Variants in RYR2 observed in about 807,000 individuals in gnomAD.
The protein encoded by RYR2 is cardiac muscle ryanodine receptor-calcium release channel.
Under a neutral mutation model 601.1 loss-of-function variants are expected in RYR2, and 227 were observed. The ratio of observed to expected loss-of-function variants is 0.38; its 90% CI spans 0.34 to 0.42. The LOEUF (loss-of-function observed/expected upper bound fraction) is 0.42, where lower values mean the gene tolerates loss of function less well. Ranked by LOEUF, RYR2 falls within the 10% of genes least tolerant of loss-of-function variation. The probability of loss-of-function intolerance (pLI) is 1.00; values close to 1 mark genes in which losing one functional copy is unlikely to be tolerated. For synonymous variants in RYR2, 2,223 were observed against 2,175.1 expected (o/e 1.02, Z -0.61); for missense variants, 4,646 against 6,156.5 (o/e 0.75, Z 8.21).
In RYR2 at chr1:237,061,705, CT is replaced by C. The variant is rs930701648; in HGVS notation, c.48+19140del. On this transcript the variant is annotated intron_variant, in intron 1 of 104. Transcript: ENST00000366574. ...GCAAATATCTTTTCCAACACTCTTG[CT>C]TTTCCCCCCTCTGTTACTGATGTTG... Among the ~76,000 whole-genome samples the C allele has an allele frequency of 7.9e-5, 12 of 152,252 alleles. No individual in the cohort carries two copies. The East Asian group carries it at 1.7e-3, about 22-fold the overall frequency.
At chr1:237,623,063 A>C (rs894056812) in intron 38 of RYR2, among the ~76,000 whole-genome samples, 3 of 152,208 alleles carry the variant, frequency 2.0e-5, no homozygotes, top group African/African-American at 7.2e-5. Flanking sequence ...TGTTCAATAG[A>C]GATGTTAGCT....
chr1:237,155,083 A>G, intron 1 of RYR2, among the ~76,000 whole-genome samples: 1 of 152,058 alleles, frequency 6.6e-6, no homozygotes, highest in East Asian at 1.9e-4. Context: ...TGTTTGCTCA[A>G]ATTAAGCTCC....
At chr1:237,175,109 C>A (rs1677872661) in intron 1 of RYR2, among the ~76,000 whole-genome samples, 1 of 152,264 alleles carries the variant, frequency 6.6e-6, no homozygotes, top group South Asian at 2.1e-4. Flanking sequence ...TTTTATAATA[C>A]AATCTGAAGG....
chr1:237,108,996 A>G (rs1314542217), intron 1 of RYR2, among the ~76,000 whole-genome samples: 2 of 152,166 alleles, frequency 1.3e-5, no homozygotes, highest in African/African-American at 4.8e-5. Flanking sequence ...AATGGGTTTA[A>G]TTTTGAAGTC....
chr1:237,556,150 C>A (rs1451797810), intron 27 of RYR2, among the ~76,000 whole-genome samples: 1 of 151,964 alleles, frequency 6.6e-6, no homozygotes, highest in Non-Finnish European at 1.5e-5. Flanking sequence ...ATATTGCTAC[C>A]TTATGGGTAC....
At chr1:237,325,498 C>T (rs1413677269) in intron 2 of RYR2, among the ~76,000 whole-genome samples, 1 of 151,952 alleles carries the variant, frequency 6.6e-6, no homozygotes, top group African/African-American at 2.4e-5. Context: ...ACCATCCTGG[C>T]TAACACGATG....
At position 237,474,622 on chromosome 1, in the gene RYR2, G is replaced by A. The variant is rs1287366998; in HGVS notation, c.1708+5435G>A. On this transcript the variant is annotated intron_variant, in intron 17 of 104. Coordinates refer to ENST00000366574, the MANE Select transcript of RYR2 (RefSeq NM_001035.3). Reference sequence around the variant, plus strand: ...ATCTTAACCTCACTTAAAACTGCGGGTGCCCATGTTGCCCCATTCTGGCCT... The same window carrying A: ...ATCTTAACCTCACTTAAAACTGCGGATGCCCATGTTGCCCCATTCTGGCCT... Among the ~76,000 whole-genome samples, 6 of 152,140 alleles carry A rather than the reference G, an allele frequency of 3.9e-5. No individual in the cohort carries two copies. The East Asian group carries it at 1.2e-3, about 30-fold the overall frequency.
At chr1:237,423,983 G>A (rs1705857945) in intron 12 of RYR2, among the ~76,000 whole-genome samples, 1 of 152,148 alleles carries the variant, frequency 6.6e-6, no homozygotes, top group African/African-American at 2.4e-5. Context: ...AGGTGAGAGA[G>A]AGAGCAGGAG....
chr1:237,117,678 TTCTCTTCTCTTCTC>T (rs1558264102), intron 1 of RYR2, among the ~76,000 whole-genome samples: 3 of 40,904 alleles, frequency 7.3e-5, no homozygotes, highest in Non-Finnish European at 1.4e-4. Context: ...CTTCCTTCTC[TTCTCTTCTCTTCTC>T]TTCTCTTCTC....
chr1:237,707,041 G>A lies in RYR2; in HGVS notation c.9673G>A (p.Gly3225Ser), dbSNP rs780484631. Residue 3225 changes from glycine to serine, a missense_variant, in exon 68 of 105, where the codon GGC becomes AGC. Physicochemically the swap from Gly to Ser is moderately conservative, Grantham distance 56. Coordinates refer to ENST00000366574, the MANE Select transcript of RYR2 (RefSeq NM_001035.3). ...MEEIVELAESGIRYTQMPHVM... is the reference protein window; with the variant it reads ...MEEIVELAESSIRYTQMPHVM... ...AGAAATCGTGGAATTAGCCGAGTCCGGCATTCGCTACACTCAAATGCCACA... is the reference window on the plus strand; with the variant it reads ...AGAAATCGTGGAATTAGCCGAGTCCAGCATTCGCTACACTCAAATGCCACA... The A allele has an allele frequency of 1.8e-5, 29 of 1,613,806 alleles. No individual in the cohort carries two copies. Among genetic ancestry groups the A allele is most frequent in the Admixed American group, 5.0e-5 (3 of 59,996 alleles).
Position 237,171,131 on chromosome 1 carries a change from G to A in RYR2, c.49-99366G>A, listed in dbSNP as rs556118017. On this transcript the variant is annotated intron_variant, in intron 1 of 104. Transcript: ENST00000366574. ...CACCTGTAGTGCCAGCTACTCGGGA[G>A]GCTGAGGCAGGAGAATTGCTTGAAC... 4.6e-5 allele frequency among the ~76,000 whole-genome samples: 7 copies of A among 152,072 alleles called. No homozygotes were observed. In the South Asian group the frequency reaches 1.5e-3, roughly 32 times the overall value.
chr1:237,641,545 T>TC (rs1558123082), intron 47 of RYR2, among the ~76,000 whole-genome samples: 1 of 137,702 alleles, frequency 7.3e-6, no homozygotes, highest in Non-Finnish European at 1.6e-5. Flanking sequence ...CTTTTCTCTC[T>TC]TTTTTTTTTT....
At chr1:237,727,582 G>A (rs893331597) in intron 76 of RYR2, among the ~76,000 whole-genome samples, 3 of 152,044 alleles carry the variant, frequency 2.0e-5, no homozygotes, top group Non-Finnish European at 4.4e-5. Flanking sequence ...ATTTACTGGC[G>A]AATTTTCTCA....
intron 23 of RYR2, among the ~76,000 whole-genome samples, chr1:237,510,723 G>A (rs894523159): frequency 6.6e-6 from 1 of 152,206 alleles, no homozygotes; most frequent in Non-Finnish European, 1.5e-5. Context: ...GCATATGGCT[G>A]CCATCTAGGT....
intron 1 of RYR2, among the ~76,000 whole-genome samples, chr1:237,260,845 A>G (rs556146880): frequency 6.6e-6 from 1 of 152,340 alleles, no homozygotes; most frequent in African/African-American, 2.4e-5. Context: ...GAACAATGAT[A>G]AACAATGTGA....
intron 14 of RYR2, among the ~76,000 whole-genome samples, chr1:237,448,516 TA>T (rs1467337154): frequency 6.6e-6 from 1 of 152,206 alleles, no homozygotes; most frequent in African/African-American, 2.4e-5. Context: ...TAGTATTATT[TA>T]GATCTTTAAT....
intron 25 of RYR2, among the ~76,000 whole-genome samples, chr1:237,532,377 C>T (rs1668220141): frequency 6.6e-6 from 1 of 151,944 alleles, no homozygotes; most frequent in Non-Finnish European, 1.5e-5. Flanking sequence ...AACCAAAAAC[C>T]ATAATTGTTT....
At chr1:237,734,981 G>C (rs1329100626) in intron 79 of RYR2, among the ~76,000 whole-genome samples, 3 of 152,146 alleles carry the variant, frequency 2.0e-5, no homozygotes, top group African/African-American at 7.2e-5. Flanking sequence ...GACCTAGCCT[G>C]TAAGGACACA....
intron 56 of RYR2, among the ~76,000 whole-genome samples, chr1:237,664,295 T>G (rs1175279527): frequency 1.3e-5 from 2 of 152,242 alleles, no homozygotes; most frequent in African/African-American, 2.4e-5. Flanking sequence ...GAGCACCTAT[T>G]ATGTATGCTG....
Sources: gnomAD v4.1 joint callset for allele counts (sites outside exome capture counted in the v4.1 genomes callset) on GRCh38, gnomAD v4.1.1 for gene constraint, MANE v1.5 for transcripts, NCBI Gene and HGNC (gene_info 2026-07-23, HGNC 2026-07-21) for gene names.